Variants in SNX27 observed in about 807,000 individuals in gnomAD.
SNX27 encodes sorting nexin-27.
Under a neutral mutation model 71.6 loss-of-function variants are expected in SNX27, and 22 were observed. The ratio of observed to expected loss-of-function variants is 0.31; its 90% CI spans 0.22 to 0.44. SNX27 has a LOEUF of 0.44. Among genes scored for constraint, SNX27 ranks in the 20% least tolerant of loss-of-function variants. The pLI is 1.00. For synonymous variants in SNX27, 269 were observed against 277.2 expected (o/e 0.97, Z 0.29); for missense variants, 531 against 698.6 (o/e 0.76, Z 2.70).
intron 11 of SNX27, chr1:151,693,725 A>G (rs1671572048): frequency 6.3e-7 from 1 of 1,595,052 alleles, no homozygotes. Flanking sequence ...CATTGGCTAC[A>G]GGCTCTTCCA....
intron 2 of SNX27, among the ~76,000 whole-genome samples, chr1:151,646,769 T>C (rs1442546949): frequency 6.6e-6 from 1 of 151,658 alleles, no homozygotes; most frequent in African/African-American, 2.4e-5. Context: ...TAGCTTTCCC[T>C]CTGTTACCAA....
At chr1:151,691,356 A>G (rs73000092) in intron 8 of SNX27, among the ~76,000 whole-genome samples, 79 of 152,262 alleles carry the variant, frequency 5.2e-4, no homozygotes, top group African/African-American at 1.8e-3. Flanking sequence ...CTTGATTACA[A>G]TGAAAATAGA....
intron 3 of SNX27, 55 bp from the exon 4 acceptor site, chr1:151,660,743 C>T: frequency 7.5e-7 from 1 of 1,336,800 alleles, no homozygotes; most frequent in Non-Finnish European, 1.1e-6. Context: ...ACGTCTTTGA[C>T]TTTATATTCT....
intron 8 of SNX27, among the ~76,000 whole-genome samples, chr1:151,688,461 G>A (rs1332849348): frequency 6.6e-6 from 1 of 152,082 alleles, no homozygotes; most frequent in Non-Finnish European, 1.5e-5. Context: ...GTGAAACCCC[G>A]TCTCTACTAA....
intron 2 of SNX27, among the ~76,000 whole-genome samples, chr1:151,646,153 GAGCCACTAACATAT>G (rs1231903974): frequency 2.0e-5 from 3 of 151,962 alleles, no homozygotes; most frequent in Admixed American, 1.3e-4. Context: ...TATAACATAT[GAGCCACTAACATAT>G]AGCCACTAGT....
intron 1 of SNX27, among the ~76,000 whole-genome samples, chr1:151,624,919 ACTCT>A (rs1248620491): frequency 6.6e-6 from 1 of 152,040 alleles, no homozygotes; most frequent in Non-Finnish European, 1.5e-5. Context: ...CCAGTAATAA[ACTCT>A]TGTTACTTCT....
intron 8 of SNX27, among the ~76,000 whole-genome samples, chr1:151,689,363 C>T (rs939569648): frequency 5.3e-5 from 8 of 152,164 alleles, no homozygotes; most frequent in African/African-American, 1.9e-4. Context: ...GACAGGATAG[C>T]AGCAATGTCT....
rs1334622818 is a variant in SNX27, at chr1:151,612,945, A to G, written c.311+433A>G. ...TCCCCCCCAAGTTCTCATCTTCAGC[A>G]TCGCAGTTTCGTTCTCCACCACTCC... On this transcript the variant is annotated intron_variant, in intron 1 of 11. Transcript: ENST00000458013. This position sits in a 1 kb window ranked among gnomAD's most constrained non-coding sequence, Gnocchi z 5.2. 6.6e-6 allele frequency among the ~76,000 whole-genome samples: 1 copy of G among 151,394 alleles called. No individual in the cohort carries two copies. Among genetic ancestry groups the G allele is most frequent in the African/African-American group, 2.4e-5 (1 of 41,114 alleles).
In SNX27 at chr1:151,612,460, G is replaced by C. The variant is rs750944911; in HGVS notation, c.259G>C (p.Gly87Arg). 8.4e-6 allele frequency: 12 copies of C among 1,424,160 alleles called. No homozygotes were observed. In the South Asian group the frequency reaches 9.4e-5, roughly 11 times the overall value. The allele number at this position is 1,424,160 out of a possible 1,614,324, so 88.2% of individuals were successfully genotyped here. A position where few individuals can be genotyped will look rare whatever the true frequency, so the allele number is the denominator to read the frequency against. ...PLQHVSAVLP[G>R]GAADRAGVRK... The stretch of plus-strand genomic sequence containing the variant: ...GCAGCATGTGAGCGCCGTGCTGCCC[G>C]GGGGGGCGGCCGATCGGGCCGGGGT... The change falls in exon 1 of 12, where the codon GGG (glycine) becomes CGG (arginine). Residue 87 changes from glycine (G) to arginine (R), a missense_variant. By Grantham distance (125) the Gly-to-Arg change is moderately radical. Around this residue, in one of 5 missense-constraint regions of SNX27, gnomAD observed 130 missense variants for 143.5 expected, o/e 0.91. Transcript: ENST00000458013. This position sits in a 1 kb window ranked among gnomAD's most constrained non-coding sequence, Gnocchi z 5.2.
rs57979858 is a variant in SNX27, at chr1:151,696,461, TTTTCTTTCTTTCTTTCTTTCTTTC to T, written c.*2065_*2088del. 6 of 125,982 alleles carry T rather than the reference TTTTCTTTCTTTCTTTCTTTCTTTC, an allele frequency of 4.8e-5. No homozygotes were observed. The highest frequency in any genetic ancestry group is 9.7e-5 in the Non-Finnish European group (6 of 61,548). 7.8% of individuals were successfully genotyped at this position (125,982 alleles called of 1,614,324 possible). A position where few individuals can be genotyped will look rare whatever the true frequency, so the allele number is the denominator to read the frequency against. ...TTTTGCAAATCATTGTGAGGCCACT[TTTTCTTTCTTTCTTTCTTTCTTTC>T]TTTCTTTCTTTCTTTCTTTCGTTCT... On this transcript the variant is annotated 3_prime_UTR_variant, in exon 12 of 12. Coordinates refer to ENST00000458013, the MANE Select transcript of SNX27 (RefSeq NM_001330723.2).
chr1:151,643,527 T>C (rs1348761259), intron 2 of SNX27, among the ~76,000 whole-genome samples: 1 of 151,026 alleles, frequency 6.6e-6, no homozygotes, highest in Non-Finnish European at 1.5e-5. Flanking sequence ...ACTCCTGACC[T>C]CATGATCCGC....
At chr1:151,660,640 A>G in intron 3 of SNX27, 158 bp from the exon 4 acceptor site, 1 of 596,784 alleles carries the variant, frequency 1.7e-6, no homozygotes, top group South Asian at 2.1e-5. Context: ...CATGCCTTAA[A>G]ATCTTATATA....
chr1:151,681,233 A>ATGTTTTTTTTTTTTTTT (rs1558071789), intron 7 of SNX27, among the ~76,000 whole-genome samples: 1 of 87,376 alleles, frequency 1.1e-5, no homozygotes, highest in Non-Finnish European at 2.2e-5. Context: ...TAGTCTCTCA[A>ATGTTTTTTTTTTTTTTT]TCTTTTTTTT....
intron 2 of SNX27, among the ~76,000 whole-genome samples, chr1:151,650,103 G>A (rs2102656051): frequency 6.6e-6 from 1 of 152,182 alleles, no homozygotes; most frequent in African/African-American, 2.4e-5. Context: ...GGTCAGGCTG[G>A]CCTTGGACTT....
intron 1 of SNX27, among the ~76,000 whole-genome samples, chr1:151,631,790 A>G (rs1183047499): frequency 6.6e-6 from 1 of 152,036 alleles, no homozygotes; most frequent in Non-Finnish European, 1.5e-5. Flanking sequence ...GGTTCAAGCA[A>G]TCCTCTCAGG....
In SNX27 at chr1:151,639,000, A is replaced by G; in HGVS notation, c.424A>G (p.Asn142Asp). 6.2e-7 allele frequency: 1 copy of G among 1,614,196 alleles called. No individual in the cohort carries two copies. Among genetic ancestry groups the G allele is most frequent in the Non-Finnish European group, 8.5e-7 (1 of 1,180,040 alleles). Reference protein sequence around the residue: ...VLSVPPHEADNLDPSDDSLGQ... With the variant: ...VLSVPPHEADDLDPSDDSLGQ... ...ATCTGTACCTCCTCATGAGGCAGAT[A>G]ACCTAGATCCCAGTGACGACTCGTT... Residue 142 changes from asparagine to aspartate, a missense_variant, in exon 2 of 12, where the codon AAC becomes GAC. Physicochemically the swap from Asn to Asp is conservative, Grantham distance 23 (BLOSUM62 1). Transcript: ENST00000458013.
At chr1:151,638,828 A>C (rs753425850) in intron 1 of SNX27, 60 bp from the exon 2 acceptor site, 1 of 1,484,156 alleles carries the variant, frequency 6.7e-7, no homozygotes, top group Admixed American at 1.7e-5. Context: ...GAGGGTGGAG[A>C]TACAAGGTGT....
intron 1 of SNX27, among the ~76,000 whole-genome samples, chr1:151,628,006 G>GT (rs34932455): frequency 0.03 from 3,700 of 122,776 alleles, 53 homozygotes; most frequent in Non-Finnish European, 0.041. Context: ...TTTCATGACT[G>GT]TTTTTTTTTT....
chr1:151,692,432 T>TTTTTTTCTCA lies in SNX27; in HGVS notation c.1240-3_1240-2insTTTTTTCTCA. 1 of 1,452,074 alleles carries TTTTTTTCTCA rather than the reference T, an allele frequency of 6.9e-7. No individual in the cohort carries two copies. Among genetic ancestry groups the TTTTTTTCTCA allele is most frequent in the Non-Finnish European group, 9.1e-7 (1 of 1,101,932 alleles). 89.9% of individuals were successfully genotyped at this position (1,452,074 alleles called of 1,614,324 possible). A position where few individuals can be genotyped will look rare whatever the true frequency, so the allele number is the denominator to read the frequency against. On this transcript the variant is annotated splice_polypyrimidine_tract_variant and splice_region_variant and intron_variant, in intron 8 of 11. Transcript: ENST00000458013. ...TTTTTTTTTTTTTTTTTTTTTTTTT[T>TTTTTTTCTCA]AGTACCTCAACATGCTAAGGACTTG...
Sources: allele counts gnomAD v4.1 joint callset (sites outside exome capture counted in the v4.1 genomes callset), GRCh38; gene constraint gnomAD v4.1.1; regional missense constraint gnomAD v4.1.1; non-coding constraint Gnocchi (gnomAD v3.1); transcripts MANE v1.5; gene names NCBI Gene and HGNC (gene_info 2026-07-23, HGNC 2026-07-21).